Variants in DNAAF11 observed in about 807,000 individuals in gnomAD.
The protein encoded by DNAAF11 is leucine rich repeat containing 6.
In DNAAF11, 45 loss-of-function variants were observed where a neutral mutation model predicts 60.8. The ratio of observed to expected loss-of-function variants is 0.74; its 90% CI spans 0.58 to 0.95. The LOEUF (loss-of-function observed/expected upper bound fraction) is 0.95, where lower values mean the gene tolerates loss of function less well. Ranked by LOEUF, DNAAF11 falls within the 40% of genes least tolerant of loss-of-function variation. The pLI is 0.00. For synonymous variants in DNAAF11, 191 were observed against 183.5 expected (o/e 1.04, Z -0.33); for missense variants, 546 against 546.2 (o/e 1.00, Z 0.00).
At chr8:132,580,276 T>C (rs1272135379) in intron 11 of DNAAF11, among the ~76,000 whole-genome samples, 1 of 152,150 alleles carries the variant, frequency 6.6e-6, no homozygotes, top group South Asian at 2.1e-4. Context: ...CCTTTCCCTG[T>C]GCAGTGAGGC....
chr8:132,632,716 A>G, intron 5 of DNAAF11, 24 bp downstream of exon 5: 2 of 1,523,220 alleles, frequency 1.3e-6, no homozygotes, highest in Non-Finnish European at 1.8e-6. Context: ...AGTTAACTAG[A>G]AAGTAAACTA....
intron 7 of DNAAF11, among the ~76,000 whole-genome samples, chr8:132,621,124 C>G (rs61211777): frequency 0.08 from 12,188 of 152,026 alleles, 1,353 homozygotes; most frequent in African/African-American, 0.25. Context: ...GATGGCTTGT[C>G]CTTCAACAGA....
intron 3 of DNAAF11, among the ~76,000 whole-genome samples, chr8:132,646,992 A>T (rs999888165): frequency 9.2e-5 from 14 of 152,154 alleles, no homozygotes; most frequent in African/African-American, 3.1e-4. Context: ...CACCAAGTGG[A>T]CCTAATAGAC....
At chr8:132,633,836 G>A (rs1034282097) in intron 4 of DNAAF11, among the ~76,000 whole-genome samples, 4 of 152,144 alleles carry the variant, frequency 2.6e-5, no homozygotes, top group East Asian at 3.9e-4. Context: ...GCCTAAAAAT[G>A]CAGGTATCCT....
intron 10 of DNAAF11, among the ~76,000 whole-genome samples, chr8:132,586,487 T>C (rs1815907253): frequency 2.0e-5 from 3 of 152,204 alleles, no homozygotes; most frequent in African/African-American, 7.2e-5. Flanking sequence ...GTGTTGGTCA[T>C]GTGATGGGAT....
rs142948681 is a variant in DNAAF11, at chr8:132,645,088, G to A, written c.257-6981C>T. Among the ~76,000 whole-genome samples the A allele has an allele frequency of 4.1e-3, 626 of 152,248 alleles. 10 individuals carry two copies. The highest frequency in any genetic ancestry group is 0.014 in the African/African-American group (590 of 41,560). On this transcript the variant is annotated intron_variant, in intron 3 of 11. Transcript: ENST00000620350. ...CCAACTGGGAGGCACCTCCCAGTAG[G>A]GGCTGACTGACACCTCATACAGCCA...
chr8:132,691,488 C>A, the DNAAF11 span, among the ~76,000 whole-genome samples: 4 of 151,908 alleles, frequency 2.6e-5, no homozygotes, highest in Admixed American at 6.6e-5. Context: ...GTATTGGAAA[C>A]CAAGATGGGT....
chr8:132,612,285 A>G (rs565592308), intron 8 of DNAAF11, among the ~76,000 whole-genome samples: 8 of 152,334 alleles, frequency 5.3e-5, no homozygotes, highest in African/African-American at 1.9e-4. Flanking sequence ...AAGCATCATT[A>G]TATGCCATTT....
chr8:132,593,478 C>T (rs77158406), intron 10 of DNAAF11, among the ~76,000 whole-genome samples: 1,764 of 150,514 alleles, frequency 0.012, 29 homozygotes, highest in African/African-American at 0.037. Context: ...AACTTAATAA[C>T]GTTAAGATGT....
chr8:132,596,928 G>T (rs1052029678), intron 10 of DNAAF11, among the ~76,000 whole-genome samples: 10 of 152,114 alleles, frequency 6.6e-5, no homozygotes, highest in Non-Finnish European at 1.3e-4. Flanking sequence ...TCTCCCAGTT[G>T]TCTTGAATTG....
intron 3 of DNAAF11, among the ~76,000 whole-genome samples, chr8:132,645,472 G>C (rs1822284277): frequency 6.6e-6 from 1 of 152,222 alleles, no homozygotes; most frequent in Non-Finnish European, 1.5e-5. Flanking sequence ...ACGGAACAAA[G>C]CTGGACGGAG....
Position 132,610,248 on chromosome 8 carries a change from A to G in DNAAF11, c.1058T>C (p.Val353Ala). The change falls in exon 10 of 12, where the codon GTC becomes GCC. Residue 353 changes from valine (V) to alanine (A), a missense_variant. By Grantham distance (64) the Val-to-Ala change is moderately conservative. Coordinates refer to ENST00000620350, the MANE Select transcript of DNAAF11 (RefSeq NM_012472.6). ...ATCGGGTTTCACTTCTGCAGGAAGG[A>G]CAAGCTGAAATGGCTGAAAATAAGT... ...VMIKGKPFQL[V>A]LPAEVKPDSS... The G allele has an allele frequency of 1.2e-6, 2 of 1,612,922 alleles. No individual in the cohort carries two copies. Among genetic ancestry groups the G allele is most frequent in the East Asian group, 4.5e-5 (2 of 44,864 alleles).
chr8:132,675,170 G>A (rs1825667166), intron 1 of DNAAF11: 1 of 368,696 alleles, frequency 2.7e-6, no homozygotes, highest in African/African-American at 2.1e-5. Flanking sequence ...GGTGTGTCTG[G>A]CGCCAAAACC....
At chr8:132,697,122 T>C in the DNAAF11 span, among the ~76,000 whole-genome samples, 1 of 152,162 alleles carries the variant, frequency 6.6e-6, no homozygotes, top group Admixed American at 6.5e-5. Flanking sequence ...GAATAGGCAA[T>C]TTTATAGACT....
At chr8:132,688,617 C>T in the DNAAF11 span, among the ~76,000 whole-genome samples, 87,351 of 152,028 alleles carry the variant, frequency 0.57, 27,557 homozygotes, top group African/African-American at 0.85. Flanking sequence ...CACTTATTTT[C>T]TCCTGAGGTT....
intron 10 of DNAAF11, among the ~76,000 whole-genome samples, chr8:132,587,506 C>T (rs1334195882): frequency 6.6e-6 from 1 of 151,962 alleles, no homozygotes; most frequent in East Asian, 1.9e-4. Context: ...TTCAGTGTTC[C>T]AAGGTTTTGG....
intron 10 of DNAAF11, among the ~76,000 whole-genome samples, chr8:132,585,028 T>C (rs1277863625): frequency 1.3e-5 from 2 of 152,188 alleles, no homozygotes; most frequent in East Asian, 3.8e-4. Flanking sequence ...CATGGGGTAA[T>C]TTGTTTCTTA....
the DNAAF11 span, among the ~76,000 whole-genome samples, chr8:132,700,212 C>G: frequency 6.6e-6 from 1 of 152,094 alleles, no homozygotes; most frequent in African/African-American, 2.4e-5. Flanking sequence ...TTCTGACTAA[C>G]TTAAAAGGAG....
chr8:132,571,514 A>G lies in DNAAF11; in HGVS notation c.*792T>C, dbSNP rs1452455944. 6.6e-6 allele frequency among the ~76,000 whole-genome samples: 1 copy of G among 152,050 alleles called. No individual in the cohort carries two copies. The highest frequency in any genetic ancestry group is 2.4e-5 in the African/African-American group (1 of 41,412). ...GGGAGTAAAAAGGTGAAGAAAAAGAATAAGGGGAGAAAAGTAATTGGGGAG... is the reference window on the plus strand; with the variant it reads ...GGGAGTAAAAAGGTGAAGAAAAAGAGTAAGGGGAGAAAAGTAATTGGGGAG... On this transcript the variant is annotated 3_prime_UTR_variant, in exon 12 of 12. Coordinates refer to ENST00000620350, the MANE Select transcript of DNAAF11 (RefSeq NM_012472.6).
Sources: gnomAD v4.1 joint callset for allele counts (sites outside exome capture counted in the v4.1 genomes callset) on GRCh38, gnomAD v4.1.1 for gene constraint, MANE v1.5 for transcripts, NCBI Gene and HGNC (gene_info 2026-07-23, HGNC 2026-07-21) for gene names.